TEX11: variants seen among roughly 807,000 people sequenced by gnomAD.
The protein encoded by TEX11 is testis-expressed protein 11.
A neutral mutation model predicts 84.4 loss-of-function variants in TEX11; 7 were observed. The observed-to-expected ratio is 0.08, with a 90% CI of 0.05 to 0.16. TEX11 has a LOEUF of 0.16. TEX11 is among the 10% of genes least tolerant of loss of function. The probability of loss-of-function intolerance (pLI) is 1.00; values close to 1 mark genes in which losing one functional copy is unlikely to be tolerated. For missense variants in TEX11, 551 were observed against 660.5 expected, an observed-to-expected ratio of 0.83 and a Z score of 1.82; for synonymous variants, 264 against 222.8, an observed-to-expected ratio of 1.18 and a Z score of -1.64.
At chrX:70,621,555 T>TATATATAA (rs2089391940) in intron 20 of TEX11, among the ~76,000 whole-genome samples, 1 of 23,920 alleles carries the variant, frequency 4.2e-5, no homozygotes, top group Non-Finnish European at 8.6e-5. Context: ...AAAAAAAATA[T>TATATATAA]ATATATATAT....
intron 9 of TEX11, among the ~76,000 whole-genome samples, chrX:70,800,229 T>C (rs1958227387): frequency 1.8e-5 from 2 of 110,784 alleles, no homozygotes; most frequent in South Asian, 7.7e-4. Flanking sequence ...CAATAGATAC[T>C]GAGGTCTACT....
At chrX:70,779,361 G>GCTGA (rs35835869) in intron 9 of TEX11, among the ~76,000 whole-genome samples, 6,751 of 102,061 alleles carry the variant, frequency 0.066, 456 homozygotes, top group Admixed American at 0.25. Context: ...GTTGCAGTGA[G>GCTGA]CTGAGATCAT....
At chrX:70,706,094 G>T (rs1279005625) in intron 13 of TEX11, among the ~76,000 whole-genome samples, 3 of 111,579 alleles carry the variant, frequency 2.7e-5, no homozygotes, top group Non-Finnish European at 5.6e-5. Flanking sequence ...TTAAGAAAAT[G>T]TGGCACATAT....
At chrX:70,813,915 G>A (rs1004790363) in intron 8 of TEX11, among the ~76,000 whole-genome samples, 1 of 111,337 alleles carries the variant, frequency 9.0e-6, no homozygotes, top group Admixed American at 9.6e-5. Flanking sequence ...CCTCTACAAG[G>A]AGAACTACAA....
chrX:70,814,958 A>G (rs1174580015), intron 8 of TEX11, among the ~76,000 whole-genome samples: 1 of 112,460 alleles, frequency 8.9e-6, no homozygotes, highest in African/African-American at 3.2e-5. Flanking sequence ...TATAAAAAAT[A>G]CATACATAGG....
At chrX:70,537,241 C>T (rs778653049) in intron 28 of TEX11, among the ~76,000 whole-genome samples, 11 of 111,113 alleles carry the variant, frequency 9.9e-5, no homozygotes, top group Non-Finnish European at 1.9e-4. Flanking sequence ...TAAGTTTTTA[C>T]GAGATTAGAA....
intron 5 of TEX11, among the ~76,000 whole-genome samples, chrX:70,855,004 C>T (rs1411708348): frequency 6.4e-5 from 7 of 109,238 alleles, no homozygotes; most frequent in Admixed American, 9.9e-5. Context: ...GCCAAGATCG[C>T]GCCATTGCAC....
At chrX:70,885,907 AAAAG>A (rs749319210) in intron 2 of TEX11, among the ~76,000 whole-genome samples, 281 of 107,703 alleles carry the variant, frequency 2.6e-3, no homozygotes, top group African/African-American at 7.5e-3. Context: ...AAAAAAAAGA[AAAAG>A]AAAGAAAGAA....
intron 25 of TEX11, among the ~76,000 whole-genome samples, chrX:70,574,747 T>A (rs188920910): frequency 1.3e-3 from 149 of 111,808 alleles, no homozygotes; most frequent in Admixed American, 1.9e-3. Flanking sequence ...ATAAGCAACA[T>A]AGAATATGTC....
chrX:70,614,670 G>C (rs2089298343), intron 20 of TEX11, among the ~76,000 whole-genome samples: 1 of 111,551 alleles, frequency 9.0e-6, no homozygotes, highest in Non-Finnish European at 1.9e-5. Flanking sequence ...CAACACAGGT[G>C]GTAGTCAGGT....
intron 16 of TEX11, among the ~76,000 whole-genome samples, chrX:70,669,219 C>T (rs936609883): frequency 1.8e-5 from 2 of 111,404 alleles, no homozygotes; most frequent in African/African-American, 6.5e-5. Flanking sequence ...AGATATCCTC[C>T]CTTGGCCTGC....
At position 70,782,645 on chromosome X, in the gene TEX11, CAAAA is replaced by C. The variant is rs780011355; in HGVS notation, c.692+24056_692+24059del. Among the ~76,000 whole-genome samples, 29 of 28,900 alleles carry C rather than the reference CAAAA, an allele frequency of 1.0e-3. 2 individuals carry two copies. The East Asian group carries it at 0.046, about 46-fold the overall frequency. 25.1% of individuals were successfully genotyped at this position (28,900 alleles called of 115,157 possible). A position where few individuals can be genotyped will look rare whatever the true frequency, so the allele number is the denominator to read the frequency against. On this transcript the variant is annotated intron_variant, in intron 9 of 29. Transcript: ENST00000374333. ...GAAGATCTACCAAGCAAATGGAAAG[CAAAA>C]AAAAAAAAAAAAAAAAACAGGGGTT...
At chrX:70,852,402 T>C (rs987694336) in intron 7 of TEX11, among the ~76,000 whole-genome samples, 1 of 111,572 alleles carries the variant, frequency 9.0e-6, no homozygotes, top group South Asian at 3.8e-4. Flanking sequence ...GCTGCCCAGG[T>C]TGGTCACCAA....
At chrX:70,655,838 A>C (rs991888408) in intron 16 of TEX11, among the ~76,000 whole-genome samples, 6 of 111,109 alleles carry the variant, frequency 5.4e-5, no homozygotes, top group African/African-American at 1.3e-4. Context: ...CTAGGAAACT[A>C]ATACCGTATC....
At chrX:70,688,412 C>T (rs1196822656) in intron 13 of TEX11, among the ~76,000 whole-genome samples, 1 of 111,243 alleles carries the variant, frequency 9.0e-6, no homozygotes, top group Non-Finnish European at 1.9e-5. Context: ...AATAGATAAA[C>T]AAAGAGATGA....
intron 15 of TEX11, among the ~76,000 whole-genome samples, chrX:70,670,927 C>T (rs898947269): frequency 2.7e-5 from 3 of 111,378 alleles, no homozygotes; most frequent in East Asian, 2.8e-4. Flanking sequence ...GTATATTTAC[C>T]TAGTTGTAAT....
At chrX:70,699,403 C>T (rs1241389475) in intron 13 of TEX11, among the ~76,000 whole-genome samples, 1 of 111,497 alleles carries the variant, frequency 9.0e-6, no homozygotes, top group Non-Finnish European at 1.9e-5. Flanking sequence ...TGGTTTGCTA[C>T]ACAACAATAG....
At chrX:70,770,079 T>G (rs2147776693) in intron 9 of TEX11, among the ~76,000 whole-genome samples, 1 of 111,254 alleles carries the variant, frequency 9.0e-6, no homozygotes, top group East Asian at 2.8e-4. Context: ...CATTAACAAA[T>G]TTTCTGCCAG....
At chrX:70,759,615 A>C (rs1014787539) in intron 9 of TEX11, among the ~76,000 whole-genome samples, 1 of 111,693 alleles carries the variant, frequency 9.0e-6, no homozygotes, top group Non-Finnish European at 1.9e-5. Context: ...AACATATCTC[A>C]AAATAATAAG....
Sources: gnomAD v4.1 joint callset for allele counts (sites outside exome capture counted in the v4.1 genomes callset) on GRCh38, gnomAD v4.1.1 for gene constraint, MANE v1.5 for transcripts, NCBI Gene and HGNC (gene_info 2026-07-23, HGNC 2026-07-21) for gene names.